The following GRIN2A variants were observed in gnomAD, a reference collection of about 807,000 sequenced individuals.
The protein encoded by GRIN2A is glutamate receptor ionotropic, NMDA 2A.
A neutral mutation model predicts 113.4 loss-of-function variants in GRIN2A; 22 were observed. That is an observed-to-expected ratio of 0.19 (90% confidence interval 0.14 to 0.28). The LOEUF (loss-of-function observed/expected upper bound fraction) is 0.28. GRIN2A is among the 10% of genes least tolerant of loss of function. The pLI is 1.00. For synonymous variants in GRIN2A, 827 were observed against 738.4 expected (o/e 1.12, Z -1.94); for missense variants, 1,502 against 1,887.0 (o/e 0.80, Z 3.78).
intron 2 of GRIN2A, among the ~76,000 whole-genome samples, chr16:9,992,979 G>C (rs1309082321): frequency 6.6e-6 from 1 of 152,120 alleles, no homozygotes; most frequent in African/African-American, 2.4e-5. Flanking sequence ...GCTTTGGGAG[G>C]CCAAGGTGGA....
At chr16:9,984,260 T>C (rs2045941854) in intron 2 of GRIN2A, among the ~76,000 whole-genome samples, 1 of 152,114 alleles carries the variant, frequency 6.6e-6, no homozygotes, top group African/African-American at 2.4e-5. Context: ...TCCTTGTATA[T>C]TCTGCATATT....
intron 3 of GRIN2A, among the ~76,000 whole-genome samples, chr16:9,909,635 T>C (rs752384170): frequency 7.2e-5 from 11 of 152,172 alleles, no homozygotes; most frequent in African/African-American, 9.7e-5. Context: ...CAAGGAGAAA[T>C]TGATTGCCAA....
chr16:10,169,586 A>G (rs1419475474), intron 2 of GRIN2A, among the ~76,000 whole-genome samples: 1 of 152,216 alleles, frequency 6.6e-6, no homozygotes, highest in Non-Finnish European at 1.5e-5. Flanking sequence ...CTGGAACAGA[A>G]GCAGCCATAT....
In GRIN2A at chr16:9,764,151, A is replaced by T. The variant is rs1900748818; in HGVS notation, c.3393T>A (p.Asp1131Glu). 6.2e-7 allele frequency: 1 copy of T among 1,613,478 alleles called. No individual in the cohort carries two copies. The highest frequency in any genetic ancestry group is 8.5e-7 in the Non-Finnish European group (1 of 1,179,592). Residue 1131 changes from aspartate (D) to glutamate (E), a missense_variant, in exon 13 of 13, where the codon GAT becomes GAA. By Grantham distance (45) the Asp-to-Glu change is conservative. This residue lies in a region of GRIN2A where 832 missense variants were observed against 789.7 expected (regional missense o/e 1.05). Transcript: ENST00000330684. ...TCACATTTTCAACAAACTGGGGTGG[A>T]TCTAAGTGGAAACCAGGCTCCTTCT... is the stretch of plus-strand genomic sequence containing the variant. ...DGEKEPGFHL[D>E]PPQFVENVTL...
chr16:9,871,865 A>G (rs367790138), intron 4 of GRIN2A, among the ~76,000 whole-genome samples: 2 of 152,304 alleles, frequency 1.3e-5, no homozygotes, highest in South Asian at 2.1e-4. Context: ...GCATGGCACA[A>G]TTGCACTTGC....
chr16:10,153,754 C>A (rs1421168769), intron 2 of GRIN2A, among the ~76,000 whole-genome samples: 1 of 152,160 alleles, frequency 6.6e-6, no homozygotes, highest in Non-Finnish European at 1.5e-5. Flanking sequence ...AATGAACACT[C>A]ACCTCATCTA....
chr16:9,990,188 A>C (rs2046073517), intron 2 of GRIN2A, among the ~76,000 whole-genome samples: 1 of 152,198 alleles, frequency 6.6e-6, no homozygotes, highest in East Asian at 1.9e-4. Flanking sequence ...ACACTATGGA[A>C]TGCTACACAG....
chr16:9,911,978 A>G (rs2044149251), intron 3 of GRIN2A, among the ~76,000 whole-genome samples: 3 of 152,156 alleles, frequency 2.0e-5, no homozygotes, highest in Admixed American at 2.0e-4. Flanking sequence ...CTCAACTGTA[A>G]GATGGGGTTA....
At chr16:10,037,401 A>G (rs1378030187) in intron 2 of GRIN2A, 1 of 152,292 alleles carries the variant, frequency 6.6e-6, no homozygotes, top group East Asian at 1.9e-4. Context: ...CCCGCATTTG[A>G]AGCCTCTCCC....
chr16:9,792,670 T>A (rs1010461494), intron 11 of GRIN2A, among the ~76,000 whole-genome samples: 4 of 152,136 alleles, frequency 2.6e-5, no homozygotes, highest in Admixed American at 2.6e-4. Context: ...TACATTTAAT[T>A]TTATGTGTTA....
intron 2 of GRIN2A, among the ~76,000 whole-genome samples, chr16:10,043,930 T>C (rs1326242333): frequency 6.7e-6 from 1 of 150,300 alleles, no homozygotes; most frequent in Non-Finnish European, 1.5e-5. Context: ...TAAATATGTG[T>C]GTATATATAC....
intron 2 of GRIN2A, among the ~76,000 whole-genome samples, chr16:10,127,014 T>C (rs2048953593): frequency 6.6e-6 from 1 of 152,176 alleles, no homozygotes; most frequent in Non-Finnish European, 1.5e-5. Context: ...GCTCACACGC[T>C]TGCCCTATCC....
At chr16:9,937,666 C>G (rs1596343858) in intron 3 of GRIN2A, 1 of 431,314 alleles carries the variant, frequency 2.3e-6, no homozygotes, top group Admixed American at 3.8e-5. Flanking sequence ...TATAGATACA[C>G]TTGAGATACA....
chr16:9,794,630 G>A (rs1259841921), intron 11 of GRIN2A: 2 of 152,184 alleles, frequency 1.3e-5, no homozygotes, highest in Non-Finnish European at 2.9e-5. Flanking sequence ...GGCCTCAAGA[G>A]ATGAAGCTGA....
At chr16:9,915,824 C>G (rs1426296520) in intron 3 of GRIN2A, among the ~76,000 whole-genome samples, 1 of 152,126 alleles carries the variant, frequency 6.6e-6, no homozygotes, top group Non-Finnish European at 1.5e-5. Flanking sequence ...AATGGAGATA[C>G]TAATGGCACC....
chr16:10,036,711 G>C (rs1229504979), intron 2 of GRIN2A, among the ~76,000 whole-genome samples: 4 of 151,714 alleles, frequency 2.6e-5, no homozygotes, highest in Admixed American at 6.6e-5. Flanking sequence ...CTCCCAAAAT[G>C]CTGGGACTAC....
intron 2 of GRIN2A, among the ~76,000 whole-genome samples, chr16:9,969,013 AATT>A (rs1225092848): frequency 6.6e-6 from 1 of 152,222 alleles, no homozygotes; most frequent in African/African-American, 2.4e-5. Flanking sequence ...TCAATATAAA[AATT>A]ATTATTAATG....
chr16:9,894,887 A>G (rs768273191), intron 3 of GRIN2A, among the ~76,000 whole-genome samples: 6 of 152,070 alleles, frequency 3.9e-5, no homozygotes, highest in African/African-American at 9.7e-5. Context: ...CTATCCATCA[A>G]TCCATCAATA....
At chr16:9,860,707 A>G (rs2043053308) in intron 4 of GRIN2A, among the ~76,000 whole-genome samples, 1 of 152,152 alleles carries the variant, frequency 6.6e-6, no homozygotes, top group African/African-American at 2.4e-5. Flanking sequence ...TCTGGATGAC[A>G]CAGGCCATGA....
Sources: gnomAD v4.1 joint callset for allele counts (sites outside exome capture counted in the v4.1 genomes callset) on GRCh38, gnomAD v4.1.1 for gene constraint, gnomAD v4.1.1 regional missense constraint, MANE v1.5 for transcripts, NCBI Gene and HGNC (gene_info 2026-07-23, HGNC 2026-07-21) for gene names.